The following HDAC3 variants were observed in gnomAD, a reference collection of about 807,000 sequenced individuals.
HDAC3 encodes SMAP45.
HDAC3 carries 21 observed loss-of-function variants against 62.3 expected under a neutral mutation model. The ratio of observed to expected loss-of-function variants is 0.34; its 90% CI spans 0.24 to 0.49. The LOEUF is 0.49. Ranked by LOEUF, HDAC3 falls within the 20% of genes least tolerant of loss-of-function variation. The pLI, the probability that HDAC3 is intolerant of heterozygous loss-of-function variation, is 0.99. For synonymous variants in HDAC3, 198 were observed against 206.5 expected, an observed-to-expected ratio of 0.96 and a Z score of 0.35; for missense variants, 270 against 556.9, an observed-to-expected ratio of 0.48 and a Z score of 5.19.
chr5:141,636,483 C>T, intron 2 of HDAC3, 65 bp downstream of exon 2: 2 of 1,458,162 alleles, frequency 1.4e-6, no homozygotes, highest in Non-Finnish European at 1.9e-6. Context: ...TCAGTCCAGC[C>T]CACCTATCCC....
At position 141,636,837 on chromosome 5, in the gene HDAC3, G is replaced by T. The variant is rs374123704; in HGVS notation, c.-47C>A. On this transcript the variant is annotated 5_prime_UTR_variant, in exon 1 of 15. Transcript: ENST00000305264. ...CGCACCTCCGCCGCCCGCCGCCCGCGGCCGCCGCCAGCCCCTCCCCGGCCG... is the reference window on the plus strand; with the variant it reads ...CGCACCTCCGCCGCCCGCCGCCCGCTGCCGCCGCCAGCCCCTCCCCGGCCG... 779 of 1,424,416 alleles carry T rather than the reference G, an allele frequency of 5.5e-4. 2 individuals are homozygous for T. The highest frequency in any genetic ancestry group is 6.8e-4 in the Non-Finnish European group (742 of 1,089,116). 88.2% of individuals were successfully genotyped at this position (1,424,416 alleles called of 1,614,324 possible).
rs370915629 is a variant in HDAC3 at position 141,632,305 on chromosome 5, G to A, written c.282-2180C>T. ...CTCCGAAAGTGCTGGGATTACAGGCGTGAGCCACTGCGCCCGGCTTGGGAC... is the reference window on the plus strand; with the variant it reads ...CTCCGAAAGTGCTGGGATTACAGGCATGAGCCACTGCGCCCGGCTTGGGAC... On this transcript the variant is annotated intron_variant, in intron 3 of 14. Coordinates refer to ENST00000305264, the MANE Select transcript of HDAC3 (RefSeq NM_003883.4). Among the ~76,000 whole-genome samples, 480 of 152,306 alleles carry A rather than the reference G, an allele frequency of 3.2e-3. 3 individuals carry two copies. Among genetic ancestry groups the A allele is most frequent in the Non-Finnish European group, 5.2e-3 (357 of 68,038 alleles).
rs1596428916 is a variant in HDAC3, at chr5:141,621,391, A to G, written c.*77T>C. On this transcript the variant is annotated 3_prime_UTR_variant, in exon 15 of 15. Transcript: ENST00000305264. ...GCCCTGGGGTGACCCCCAGGACTCT[A>G]GGAGCCACTCCTTTTCCCTCCAGCC... 7.4e-7 allele frequency: 1 copy of G among 1,353,758 alleles called. No individual in the cohort carries two copies. The highest frequency in any genetic ancestry group is 1.1e-6 in the Non-Finnish European group (1 of 943,810). The allele number at this position is 1,353,758 out of a possible 1,614,324, so 83.9% of individuals were successfully genotyped here. A position where few individuals can be genotyped will look rare whatever the true frequency, so the allele number is the denominator to read the frequency against.
Position 141,630,722 on chromosome 5 carries a change from G to A in HDAC3, c.282-597C>T, listed in dbSNP as rs1023860672. Among the ~76,000 whole-genome samples the A allele has an allele frequency of 9.2e-5, 14 of 152,244 alleles. No individual in the cohort carries two copies. The East Asian group carries it at 2.5e-3, about 27-fold the overall frequency. ...ATGACTCCATTTATGTAACATTCTG[G>A]AAAAGGTAAAATACAAGGACAGACA... On this transcript the variant is annotated intron_variant, in intron 3 of 14. Transcript: ENST00000305264.
chr5:141,632,445 C>T (rs574713527), intron 3 of HDAC3, among the ~76,000 whole-genome samples: 111 of 152,258 alleles, frequency 7.3e-4, no homozygotes, highest in Non-Finnish European at 1.1e-3. Context: ...TGATTCTCAT[C>T]GGAAATACAG....
At chr5:141,630,539 T>C (rs1309255927) in intron 3 of HDAC3, among the ~76,000 whole-genome samples, 1 of 152,226 alleles carries the variant, frequency 6.6e-6, no homozygotes, top group African/African-American at 2.4e-5. Context: ...ACTGTATACC[T>C]ACATATGTGA....
In HDAC3 at chr5:141,628,684, C is replaced by T. The variant is rs1372552199; in HGVS notation, c.611-45G>A. Reference sequence around the variant, plus strand: ...GGTAGCCACACATGGGAAGCACCCACAACCCAGCTGTTTCAGCCCCAATCT... The same window carrying T: ...GGTAGCCACACATGGGAAGCACCCATAACCCAGCTGTTTCAGCCCCAATCT... On this transcript the variant is annotated intron_variant, in intron 7 of 14. Coordinates refer to ENST00000305264, the MANE Select transcript of HDAC3 (RefSeq NM_003883.4). This position sits in a 1 kb window ranked among gnomAD's most constrained non-coding sequence, Gnocchi z 4.7. 1 of 1,482,300 alleles carries T rather than the reference C, an allele frequency of 6.7e-7. No individual in the cohort carries two copies. The highest frequency in any genetic ancestry group is 1.4e-5 in the African/African-American group (1 of 71,950). 91.8% of individuals were successfully genotyped at this position (1,482,300 alleles called of 1,614,324 possible).
Position 141,626,784 on chromosome 5 carries a change from G to GTA in HDAC3, c.831-503_831-502dup, listed in dbSNP as rs368519118. ...AACATATATATGTGTGTGTGTGTGT[G>GTA]TATATATATATATATACACACACAC... On this transcript the variant is annotated intron_variant, in intron 10 of 14. Transcript: ENST00000305264. This position sits in a 1 kb window ranked among gnomAD's most constrained non-coding sequence, Gnocchi z 4.6. 0.018 allele frequency among the ~76,000 whole-genome samples: 2,377 copies of GTA among 129,758 alleles called. 68 individuals are homozygous for GTA. Among genetic ancestry groups the GTA allele is most frequent in the Admixed American group, 0.087 (1,125 of 12,932 alleles). 85.1% of individuals were successfully genotyped at this position (129,758 alleles called of 152,430 possible). A position where few individuals can be genotyped will look rare whatever the true frequency, so the allele number is the denominator to read the frequency against.
chr5:141,632,020 ATTTTTTTTT>A (rs376573720), intron 3 of HDAC3, among the ~76,000 whole-genome samples: 14 of 136,958 alleles, frequency 1.0e-4, no homozygotes, highest in South Asian at 4.7e-4. Flanking sequence ...GAGGTCTGGA[ATTTTTTTTT>A]TTTTTTTTTT....
rs767714020 is a variant in HDAC3 at position 141,625,409 on chromosome 5, TC to T, written c.1060-45del. 3.1e-5 allele frequency: 50 copies of T among 1,604,080 alleles called. No homozygotes were observed. The highest frequency in any genetic ancestry group is 4.2e-5 in the Non-Finnish European group (49 of 1,172,070). On this transcript the variant is annotated intron_variant, in intron 13 of 14. Transcript: ENST00000305264. The surrounding 1 kb of genome is among the most constrained non-coding windows in gnomAD (Gnocchi z 4.0). ...TACAGAGTGAGCAGTTTCCAGAGAT[TC>T]CCAGGACATGGAATCTCCTAGCTGC...
chr5:141,622,062 A>G (rs1470583547), intron 14 of HDAC3, among the ~76,000 whole-genome samples: 1 of 152,338 alleles, frequency 6.6e-6, no homozygotes, highest in East Asian at 1.9e-4. Context: ...CAAGGAGGCC[A>G]GGACAGCCGG....
At chr5:141,633,316 T>C (rs1488575986) in intron 3 of HDAC3, among the ~76,000 whole-genome samples, 1 of 152,230 alleles carries the variant, frequency 6.6e-6, no homozygotes, top group Non-Finnish European at 1.5e-5. Context: ...AGCTACAAAA[T>C]AATTATGAGA....
chr5:141,636,725 T>A lies in HDAC3; in HGVS notation c.55+11A>T. On this transcript the variant is annotated intron_variant, in intron 1 of 14. Coordinates refer to ENST00000305264, the MANE Select transcript of HDAC3 (RefSeq NM_003883.4). ...TGTCCCAACCCCTCATGCATATCCC[T>A]GTTTCCTCACCGTAGTGGAAGTTGC... 3 of 1,613,962 alleles carry A rather than the reference T, an allele frequency of 1.9e-6. No individual in the cohort carries two copies. The highest frequency in any genetic ancestry group is 2.5e-6 in the Non-Finnish European group (3 of 1,179,838).
At chr5:141,632,188 C>T (rs1207846994) in intron 3 of HDAC3, among the ~76,000 whole-genome samples, 2 of 152,298 alleles carry the variant, frequency 1.3e-5, no homozygotes, top group Non-Finnish European at 2.9e-5. Context: ...CCACACATGA[C>T]TAATTTTTGT....
intron 3 of HDAC3, among the ~76,000 whole-genome samples, chr5:141,630,774 G>A (rs2099905087): frequency 6.6e-6 from 1 of 151,918 alleles, no homozygotes; most frequent in Non-Finnish European, 1.5e-5. Flanking sequence ...CTGGATCTAG[G>A]TTGCAGAGAA....
In HDAC3 at chr5:141,628,547, T is replaced by G. The variant is rs993595884; in HGVS notation, c.691+12A>C. The G allele has an allele frequency of 1.3e-5, 21 of 1,607,692 alleles. No individual in the cohort carries two copies. The highest frequency in any genetic ancestry group is 1.5e-5 in the Non-Finnish European group (18 of 1,174,302). On this transcript the variant is annotated intron_variant, in intron 8 of 14. Transcript: ENST00000305264. The surrounding 1 kb of genome is among the most constrained non-coding windows in gnomAD (Gnocchi z 4.7). ...GGGGCCTAGGGAACAGAGGGAAGACTTCGGTACTTACTCTGGTCATCAATG... is the reference window on the plus strand; with the variant it reads ...GGGGCCTAGGGAACAGAGGGAAGACGTCGGTACTTACTCTGGTCATCAATG...
chr5:141,633,784 C>G (rs574579031), intron 3 of HDAC3, among the ~76,000 whole-genome samples: 4 of 142,560 alleles, frequency 2.8e-5, no homozygotes, highest in African/African-American at 8.1e-5. Context: ...CAAGACTGCA[C>G]CACTGCACTC....
In HDAC3 at chr5:141,629,641, C is replaced by T. The variant is rs2099904918; in HGVS notation, c.476+43G>A. ...GTTGAGACTGAGAGACCTCCTCAGC[C>T]AAGAATCCCGTAACTGCCCCCATCT... is the stretch of plus-strand genomic sequence containing the variant. On this transcript the variant is annotated intron_variant, in intron 6 of 14. Transcript: ENST00000305264. This position sits in a 1 kb window ranked among gnomAD's most constrained non-coding sequence, Gnocchi z 5.3. 1 of 1,600,646 alleles carries T rather than the reference C, an allele frequency of 6.2e-7. No individual in the cohort carries two copies. Among genetic ancestry groups the T allele is most frequent in the Admixed American group, 1.7e-5 (1 of 59,934 alleles).
chr5:141,626,158 C>G lies in HDAC3; in HGVS notation c.920+36G>C, dbSNP rs776754159. 7 of 1,610,158 alleles carry G rather than the reference C, an allele frequency of 4.3e-6. No homozygotes were observed. Among genetic ancestry groups the G allele is most frequent in the Non-Finnish European group, 6.0e-6 (7 of 1,176,392 alleles). On this transcript the variant is annotated intron_variant, in intron 11 of 14. Coordinates refer to ENST00000305264, the MANE Select transcript of HDAC3 (RefSeq NM_003883.4). The surrounding 1 kb of genome is among the most constrained non-coding windows in gnomAD (Gnocchi z 4.6). ...TATCTGAGGGACACCCTAGCTCACA[C>G]TGGACAACAGGGGAGGAAATCAGGA...
Sources: allele counts gnomAD v4.1 joint callset (sites outside exome capture counted in the v4.1 genomes callset), GRCh38; gene constraint gnomAD v4.1.1; non-coding constraint Gnocchi (gnomAD v3.1); transcripts MANE v1.5; gene names NCBI Gene and HGNC (gene_info 2026-07-23, HGNC 2026-07-21).